LRRC37A2: variants seen among roughly 807,000 people sequenced by gnomAD.
LRRC37A2 encodes the protein leucine rich repeat containing 37 member A2, also known as leucine-rich repeat-containing protein 37A2.
In LRRC37A2, 9 loss-of-function variants were observed where a neutral mutation model predicts 68.8. That is an observed-to-expected ratio of 0.13 (90% CI 0.08 to 0.23). LRRC37A2 has a LOEUF of 0.23. Among genes scored for constraint, LRRC37A2 ranks in the 10% least tolerant of loss-of-function variants. The probability of loss-of-function intolerance (pLI) is 1.00; values close to 1 mark genes in which losing one functional copy is unlikely to be tolerated. For missense variants in LRRC37A2, 168 were observed against 950.4 expected, an observed-to-expected ratio of 0.18 and a Z score of 10.82; for synonymous variants, 63 against 367.6, an observed-to-expected ratio of 0.17 and a Z score of 9.48.
the LRRC37A2 span, among the ~76,000 whole-genome samples, chr17:46,967,593 T>C: frequency 6.6e-6 from 1 of 152,142 alleles, no homozygotes; most frequent in African/African-American, 2.4e-5. Flanking sequence ...AACTCTGCAG[T>C]GTTCTCTGGG....
At chr17:46,855,159 G>A in the LRRC37A2 span, among the ~76,000 whole-genome samples, 1 of 152,216 alleles carries the variant, frequency 6.6e-6, no homozygotes, top group Non-Finnish European at 1.5e-5. Context: ...CAACCTACAG[G>A]AACAGCCTCC....
the LRRC37A2 span, among the ~76,000 whole-genome samples, chr17:46,766,475 T>C: frequency 1.3e-5 from 2 of 151,180 alleles, no homozygotes; most frequent in South Asian, 4.2e-4. Flanking sequence ...AAACTGGCGC[T>C]CCCAGGCCAG....
At chr17:46,558,425 C>A (rs1259042203), downstream of LRRC37A2, among the ~76,000 whole-genome samples, 22 of 110,300 alleles carry the variant, frequency 2.0e-4, no homozygotes, top group Non-Finnish European at 3.6e-4. Flanking sequence ...CAGTCTCTGT[C>A]ACCCAGGCTG....
chr17:46,821,423 G>A, the LRRC37A2 span, among the ~76,000 whole-genome samples: 1 of 152,208 alleles, frequency 6.6e-6, no homozygotes, highest in East Asian at 1.9e-4. Context: ...TGGAAACGCA[G>A]GAATGGTTTC....
At chr17:46,975,551 C>G in the LRRC37A2 span, 1 of 152,260 alleles carries the variant, frequency 6.6e-6, no homozygotes, top group Non-Finnish European at 1.5e-5. Flanking sequence ...GGCCTCAGGA[C>G]TCCTGGGGAG....
At chr17:47,046,274 G>T in the LRRC37A2 span, among the ~76,000 whole-genome samples, 1 of 127,622 alleles carries the variant, frequency 7.8e-6, no homozygotes, top group Non-Finnish European at 1.7e-5. Flanking sequence ...AGCCCAGGGG[G>T]GTTGAGGCTG....
At chr17:46,911,337 C>T in the LRRC37A2 span, 92,388 of 151,970 alleles carry the variant, frequency 0.61, 28,540 homozygotes, top group Non-Finnish European at 0.67. Flanking sequence ...CAAAAGGAGA[C>T]AGAGATAACC....
At chr17:46,502,427 A>G in the LRRC37A2 span, among the ~76,000 whole-genome samples, 1 of 150,874 alleles carries the variant, frequency 6.6e-6, no homozygotes, top group Admixed American at 6.6e-5. Context: ...TCAGCCTCCC[A>G]AGTAGCTGGG....
the LRRC37A2 span, among the ~76,000 whole-genome samples, chr17:46,684,712 T>C: frequency 6.8e-6 from 1 of 147,900 alleles, no homozygotes; most frequent in African/African-American, 2.5e-5. Flanking sequence ...CAGAAAATTA[T>C]ACAAAAATTA....
chr17:46,778,043 C>T, the LRRC37A2 span, among the ~76,000 whole-genome samples: 2 of 152,174 alleles, frequency 1.3e-5, no homozygotes, highest in African/African-American at 4.8e-5. Flanking sequence ...AAAATAGACA[C>T]GACAGGAGGA....
chr17:46,804,482 G>A, the LRRC37A2 span, among the ~76,000 whole-genome samples: 3 of 152,096 alleles, frequency 2.0e-5, no homozygotes, highest in African/African-American at 7.2e-5. Context: ...TATGGGGAAG[G>A]GAAGTGCTGT....
the LRRC37A2 span, among the ~76,000 whole-genome samples, chr17:46,982,512 T>C: frequency 1.3e-5 from 2 of 152,176 alleles, no homozygotes; most frequent in Non-Finnish European, 2.9e-5. Flanking sequence ...ACACCAGCCT[T>C]TGGGTTCTGC....
chr17:46,858,920 G>T, the LRRC37A2 span, among the ~76,000 whole-genome samples: 3 of 151,706 alleles, frequency 2.0e-5, no homozygotes, highest in African/African-American at 7.3e-5. Context: ...TCCTGCCTCG[G>T]CCTCTCAAAC....
chr17:46,938,152 T>A, the LRRC37A2 span: 3 of 264,222 alleles, frequency 1.1e-5, no homozygotes, highest in Non-Finnish European at 2.2e-5. Context: ...GATGAGTCCC[T>A]GCGCCTGGCC....
At chr17:46,858,574 T>G in the LRRC37A2 span, among the ~76,000 whole-genome samples, 2 of 152,156 alleles carry the variant, frequency 1.3e-5, no homozygotes, top group African/African-American at 4.8e-5. Flanking sequence ...GGAGCCTAAT[T>G]CTGTTGGTGG....
the LRRC37A2 span, among the ~76,000 whole-genome samples, chr17:46,838,092 C>A: frequency 6.6e-6 from 1 of 152,148 alleles, no homozygotes; most frequent in Non-Finnish European, 1.5e-5. Context: ...TTTCTGCCCC[C>A]TCTTCACTTC....
the LRRC37A2 span, among the ~76,000 whole-genome samples, chr17:46,866,597 G>T: frequency 2.6e-5 from 4 of 152,094 alleles, no homozygotes; most frequent in Non-Finnish European, 4.4e-5. Context: ...CCTGTTATCA[G>T]GAGCATCTGA....
the LRRC37A2 span, among the ~76,000 whole-genome samples, chr17:46,844,809 C>CCCTTCCTT: frequency 8.6e-5 from 13 of 150,732 alleles, no homozygotes; most frequent in Middle Eastern, 3.4e-3. Context: ...CTCCCTCCTT[C>CCCTTCCTT]CCTTCCTTCC....
chr17:46,718,908 T>C, the LRRC37A2 span, among the ~76,000 whole-genome samples: 1 of 152,212 alleles, frequency 6.6e-6, no homozygotes. Context: ...GAAGTGGGAT[T>C]GCTAAGGTAA....
Sources: allele counts gnomAD v4.1 joint callset (sites outside exome capture counted in the v4.1 genomes callset), GRCh38; gene constraint gnomAD v4.1.1; transcripts MANE v1.5; gene names NCBI Gene and HGNC (gene_info 2026-07-23, HGNC 2026-07-21).